The following NUMB variants were observed in gnomAD, a reference collection of about 807,000 sequenced individuals.
The protein encoded by NUMB is NUMB endocytic adaptor protein, also known as protein numb homolog.
NUMB carries 29 observed loss-of-function variants against 59.7 expected under a neutral mutation model. The observed-to-expected ratio is 0.49, with a 90% confidence interval of 0.36 to 0.66. The LOEUF (loss-of-function observed/expected upper bound fraction) is 0.66. Among genes scored for constraint, NUMB ranks in the 30% least tolerant of loss-of-function variants. The pLI is 0.00. For missense variants in NUMB, 723 were observed against 822.0 expected (o/e 0.88, Z 1.47); for synonymous variants, 288 against 288.2 (o/e 1.00, Z 0.01).
intron 4 of NUMB, among the ~76,000 whole-genome samples, chr14:73,342,706 G>A (rs34531290): frequency 0.2 from 30,031 of 152,062 alleles, 3,311 homozygotes; most frequent in Non-Finnish European, 0.25. Flanking sequence ...AGCAACTAAC[G>A]TTTATTGTGC....
intron 2 of NUMB, among the ~76,000 whole-genome samples, chr14:73,370,038 T>C (rs1894583923): frequency 6.6e-6 from 1 of 152,200 alleles, no homozygotes; most frequent in Non-Finnish European, 1.5e-5. Flanking sequence ...AATTCATCCA[T>C]ACTCTTGTGC....
intron 3 of NUMB, among the ~76,000 whole-genome samples, chr14:73,359,772 A>C (rs902544697): frequency 6.6e-6 from 1 of 152,242 alleles, no homozygotes; most frequent in Non-Finnish European, 1.5e-5. Flanking sequence ...TGTTAAAAAC[A>C]GCTCTGCTTC....
intron 4 of NUMB, among the ~76,000 whole-genome samples, chr14:73,337,449 C>G (rs1022601332): frequency 1.3e-5 from 2 of 152,156 alleles, no homozygotes; most frequent in African/African-American, 2.4e-5. Context: ...TTGCAGTAAG[C>G]CAAGATAGTG....
At position 73,410,610 on chromosome 14, in the gene NUMB, C is replaced by T. The variant is rs141126978; in HGVS notation, c.-232-542G>A. The stretch of plus-strand genomic sequence containing the variant: ...TTATGCTTACTATGAAACTGTCCTT[C>T]CTACATTTTTGGTGTTAAAATGGCT... On this transcript the variant is annotated intron_variant, in intron 1 of 12. Coordinates refer to ENST00000555238, the MANE Select transcript of NUMB (RefSeq NM_001005743.2). Among the ~76,000 whole-genome samples, 856 of 152,274 alleles carry T rather than the reference C, an allele frequency of 5.6e-3. 4 individuals are homozygous for T. The highest frequency in any genetic ancestry group is 0.02 in the African/African-American group (811 of 41,550).
intron 6 of NUMB, among the ~76,000 whole-genome samples, chr14:73,304,738 G>T (rs1012928139): frequency 6.6e-5 from 10 of 152,094 alleles, no homozygotes; most frequent in African/African-American, 2.4e-4. Flanking sequence ...TAGGAGAAAT[G>T]AGTTGGAGTT....
intron 1 of NUMB, among the ~76,000 whole-genome samples, chr14:73,427,420 G>T (rs976509152): frequency 6.6e-6 from 1 of 151,894 alleles, no homozygotes; most frequent in African/African-American, 2.4e-5. Flanking sequence ...AGCCAAGATC[G>T]CGTCACCGTA....
chr14:73,421,693 G>A (rs528087930), intron 1 of NUMB, among the ~76,000 whole-genome samples: 1 of 152,120 alleles, frequency 6.6e-6, no homozygotes, highest in East Asian at 1.9e-4. Flanking sequence ...CTAAAACAGT[G>A]AACAACTCTT....
At chr14:73,368,734 T>C (rs1894512389) in intron 2 of NUMB, among the ~76,000 whole-genome samples, 3 of 152,154 alleles carry the variant, frequency 2.0e-5, no homozygotes, top group Admixed American at 1.3e-4. Flanking sequence ...TAGGTTCTCA[T>C]AATCAAGAAA....
intron 2 of NUMB, among the ~76,000 whole-genome samples, chr14:73,372,870 A>G (rs574059489): frequency 6.6e-6 from 1 of 152,144 alleles, no homozygotes; most frequent in South Asian, 2.1e-4. Flanking sequence ...ATTACTGTTT[A>G]TATTTCTGTT....
At chr14:73,283,772 T>G (rs935770986) in intron 10 of NUMB, among the ~76,000 whole-genome samples, 2 of 152,236 alleles carry the variant, frequency 1.3e-5, no homozygotes, top group African/African-American at 4.8e-5. Context: ...CTTGAGACCC[T>G]TGATGTTTGG....
chr14:73,386,393 T>G (rs1467110555), intron 2 of NUMB, among the ~76,000 whole-genome samples: 3 of 152,218 alleles, frequency 2.0e-5, no homozygotes, highest in African/African-American at 4.8e-5. Context: ...TCCTTTTCTC[T>G]ACCACTACCC....
chr14:73,367,761 T>C (rs971892392), intron 2 of NUMB, among the ~76,000 whole-genome samples: 21 of 117,714 alleles, frequency 1.8e-4, no homozygotes, highest in Non-Finnish European at 3.3e-4. Flanking sequence ...GACAACAGAG[T>C]GAGACCCTGT....
intron 2 of NUMB, among the ~76,000 whole-genome samples, chr14:73,405,090 G>A (rs1245245164): frequency 1.3e-5 from 2 of 152,128 alleles, no homozygotes; most frequent in African/African-American, 4.8e-5. Context: ...AAGATTTCTC[G>A]CTTGGTAAGA....
At chr14:73,301,801 CCGGGTGTGGT>C (rs1890144160) in intron 6 of NUMB, among the ~76,000 whole-genome samples, 1 of 152,054 alleles carries the variant, frequency 6.6e-6, no homozygotes. Context: ...ACATGTGTGG[CCGGGTGTGGT>C]GGCTCATGTC....
At chr14:73,428,650 G>A (rs1897687532) in intron 1 of NUMB, among the ~76,000 whole-genome samples, 1 of 152,018 alleles carries the variant, frequency 6.6e-6, no homozygotes, top group Non-Finnish European at 1.5e-5. Flanking sequence ...AATTAGCCAG[G>A]TATGGTGGTG....
chr14:73,421,023 G>A lies in NUMB; in HGVS notation c.-232-10955C>T, dbSNP rs117548739. Among the ~76,000 whole-genome samples the A allele has an allele frequency of 6.8e-3, 1,038 of 152,256 alleles. 5 individuals carry two copies. The highest frequency in any genetic ancestry group is 0.03 in the South Asian group (144 of 4,828). ...TAGAAAAAAGACAAATTGTGGCATAGTCATAAAATTAATACAAGTATCTGA... is the reference window on the plus strand; with the variant it reads ...TAGAAAAAAGACAAATTGTGGCATAATCATAAAATTAATACAAGTATCTGA... On this transcript the variant is annotated intron_variant, in intron 1 of 12. Transcript: ENST00000555238.
intron 4 of NUMB, among the ~76,000 whole-genome samples, chr14:73,346,327 A>C (rs1422307836): frequency 6.6e-6 from 1 of 152,012 alleles, no homozygotes; most frequent in Non-Finnish European, 1.5e-5. Flanking sequence ...CTAAAAATAC[A>C]AAATTAGCTG....
intron 2 of NUMB, among the ~76,000 whole-genome samples, chr14:73,395,604 G>C (rs1397125957): frequency 1.3e-5 from 2 of 152,188 alleles, no homozygotes; most frequent in East Asian, 3.8e-4. Flanking sequence ...CTGGGTGGCA[G>C]AGCGAGACTC....
At chr14:73,305,123 C>T (rs1378383602) in intron 6 of NUMB, among the ~76,000 whole-genome samples, 1 of 152,048 alleles carries the variant, frequency 6.6e-6, no homozygotes, top group Non-Finnish European at 1.5e-5. Context: ...TTGTGAAGGA[C>T]CAGACAACAA....
Sources: gnomAD v4.1 joint callset for allele counts (sites outside exome capture counted in the v4.1 genomes callset) on GRCh38, gnomAD v4.1.1 for gene constraint, MANE v1.5 for transcripts, NCBI Gene and HGNC (gene_info 2026-07-23, HGNC 2026-07-21) for gene names.